The following DOCK4 variants were observed in gnomAD, a reference collection of about 807,000 sequenced individuals.
DOCK4 encodes dedicator of cytokinesis protein 4.
A neutral mutation model predicts 268.1 loss-of-function variants in DOCK4; 97 were observed. That is an observed-to-expected ratio of 0.36 (90% CI 0.31 to 0.43). DOCK4 has a LOEUF of 0.43. DOCK4 is among the 20% of genes least tolerant of loss of function. The pLI is 1.00. For synonymous variants in DOCK4, 954 were observed against 887.2 expected (o/e 1.08, Z -1.34); for missense variants, 2,145 against 2,455.7 (o/e 0.87, Z 2.67).
At position 112,004,135 on chromosome 7, in the gene DOCK4, T is replaced by C. The variant is rs1800663502; in HGVS notation, c.38-4A>G. On this transcript the variant is annotated splice_polypyrimidine_tract_variant and splice_region_variant and intron_variant, in intron 1 of 52. Coordinates refer to ENST00000428084, the MANE Select transcript of DOCK4 (RefSeq NM_001363540.2). ...GTTCCTCGGAAACTGGCAATAACTG[T>C]AAAAAATGATAAAGAATATATGAAG... 2 of 1,568,246 alleles carry C rather than the reference T, an allele frequency of 1.3e-6. No homozygotes were observed. The highest frequency in any genetic ancestry group is 1.9e-5 in the Admixed American group (1 of 53,876).
At chr7:112,089,711 T>A (rs978436431) in intron 1 of DOCK4, among the ~76,000 whole-genome samples, 3 of 151,990 alleles carry the variant, frequency 2.0e-5, no homozygotes, top group African/African-American at 7.2e-5. Context: ...TCTGGTTGTT[T>A]AAAGGCATGT....
intron 5 of DOCK4, among the ~76,000 whole-genome samples, chr7:111,992,985 G>T (rs1163034397): frequency 6.6e-6 from 1 of 152,114 alleles, no homozygotes; most frequent in East Asian, 1.9e-4. Flanking sequence ...CCTCGAGGTC[G>T]GTTATCTTGA....
chr7:111,930,067 C>T (rs1430431802), intron 12 of DOCK4, among the ~76,000 whole-genome samples: 2 of 152,198 alleles, frequency 1.3e-5, no homozygotes, highest in Non-Finnish European at 2.9e-5. Flanking sequence ...ATTTGCTCAA[C>T]AAACCTAAAC....
intron 1 of DOCK4, among the ~76,000 whole-genome samples, chr7:112,147,121 TATA>T (rs1291315209): frequency 3.9e-5 from 6 of 152,158 alleles, no homozygotes; most frequent in African/African-American, 1.4e-4. Context: ...ACAGTTCTTA[TATA>T]ATAATGTTTA....
At chr7:111,901,131 C>T (rs765750849) in intron 14 of DOCK4, among the ~76,000 whole-genome samples, 4 of 152,010 alleles carry the variant, frequency 2.6e-5, no homozygotes, top group East Asian at 1.9e-4. Flanking sequence ...GCCAGGAGTT[C>T]GAGACCAGCC....
At chr7:111,992,074 T>C (rs985123810) in intron 5 of DOCK4, among the ~76,000 whole-genome samples, 6 of 151,714 alleles carry the variant, frequency 4.0e-5, no homozygotes. Context: ...ATGGCTGCTA[T>C]ATTTCTCCTA....
At position 111,808,959 on chromosome 7, in the gene DOCK4, A is replaced by G. The variant is rs1341226326; in HGVS notation, c.3108-80T>C. The G allele has an allele frequency of 9.6e-6, 14 of 1,457,780 alleles. No individual in the cohort carries two copies. The South Asian group carries it at 9.6e-5, about 10-fold the overall frequency. 90.3% of individuals were successfully genotyped at this position (1,457,780 alleles called of 1,614,324 possible). On this transcript the variant is annotated intron_variant, in intron 29 of 52. Transcript: ENST00000428084. ...TTTGTGTGTCTTTAGGATACAATCT[A>G]TCATTCTGAATTACAAGGCAAGGAG...
At position 111,998,455 on chromosome 7, in the gene DOCK4, T is replaced by C; in HGVS notation, c.211A>G (p.Asn71Asp). ...YVHLKNACVK[N>D]KGQFEMVIPT... ...ATAAAACTCATTTCTTACCCTTTGT[T>C]CTTTACACAGGCATTTTTCAAGTGA... Residue 71 changes from asparagine (N) to aspartate (D), a missense_variant, in exon 4 of 53, where the codon AAC becomes GAC. Transcript: ENST00000428084. The C allele has an allele frequency of 6.3e-7, 1 of 1,585,674 alleles. No individual in the cohort carries two copies. The highest frequency in any genetic ancestry group is 1.2e-5 in the South Asian group (1 of 86,902).
chr7:111,885,661 G>A (rs945506527), intron 16 of DOCK4, among the ~76,000 whole-genome samples: 1 of 152,190 alleles, frequency 6.6e-6, no homozygotes, highest in Non-Finnish European at 1.5e-5. Flanking sequence ...TAATAGTGAA[G>A]GATAGTTCTC....
chr7:111,730,524 T>A lies in DOCK4; in HGVS notation c.5481+1702A>T, dbSNP rs116716243. On this transcript the variant is annotated intron_variant, in intron 52 of 52. Coordinates refer to ENST00000428084, the MANE Select transcript of DOCK4 (RefSeq NM_001363540.2). ...GCCTAACATTAAGGCCAATTAAGAG[T>A]TCCCAATTCACTGCTACCTCTGTCA... 8.9e-3 allele frequency among the ~76,000 whole-genome samples: 1,352 copies of A among 151,996 alleles called. 17 individuals carry two copies. The highest frequency in any genetic ancestry group is 0.03 in the African/African-American group (1,258 of 41,424).
At chr7:111,869,932 G>C (rs1467220709) in intron 20 of DOCK4, among the ~76,000 whole-genome samples, 1 of 152,210 alleles carries the variant, frequency 6.6e-6, no homozygotes. Context: ...AAATATTGGA[G>C]AAAAGGACTG....
chr7:111,912,935 GA>G (rs1792244963), intron 13 of DOCK4, among the ~76,000 whole-genome samples: 1 of 150,836 alleles, frequency 6.6e-6, no homozygotes, highest in Non-Finnish European at 1.5e-5. Context: ...CAGAATTTTA[GA>G]AATTAAAATT....
chr7:111,991,013 T>C (rs1799478920), intron 5 of DOCK4, among the ~76,000 whole-genome samples: 1 of 152,212 alleles, frequency 6.6e-6, no homozygotes, highest in South Asian at 2.1e-4. Context: ...AGCAAGTTAT[T>C]AAACAAGTCA....
Position 112,184,285 on chromosome 7 carries a change from C to T in DOCK4, c.37+21817G>A, listed in dbSNP as rs554945823. 4.6e-5 allele frequency among the ~76,000 whole-genome samples: 7 copies of T among 152,308 alleles called. No individual in the cohort carries two copies. The East Asian group carries it at 9.6e-4, about 21-fold the overall frequency. On this transcript the variant is annotated intron_variant, in intron 1 of 52. Transcript: ENST00000428084. ...ATCAGTGAAAACTGCACACACACAG[C>T]CACACAGGTGAACACCACTTGCTAA...
intron 1 of DOCK4, among the ~76,000 whole-genome samples, chr7:112,145,913 T>C (rs1358376299): frequency 2.6e-5 from 4 of 152,196 alleles, no homozygotes; most frequent in Non-Finnish European, 4.4e-5. Context: ...TTCAATATCA[T>C]CTAACTTCGC....
Position 111,844,854 on chromosome 7 carries a change from A to G in DOCK4, c.2645T>C (p.Leu882Ser), listed in dbSNP as rs536885456. ...TATGGTCCTCAGCAGAATATCCAGC[A>G]AGCTGGCCACTATCACATCTATTTC... ...LEEIDVIVAS[L>S]LDILLRTILE... Residue 882 changes from leucine to serine, a missense_variant, in exon 25 of 53, where the codon TTG (leucine) becomes TCG (serine). Physicochemically the swap from Leu to Ser is moderately radical, Grantham distance 145. Coordinates refer to ENST00000428084, the MANE Select transcript of DOCK4 (RefSeq NM_001363540.2). 4 of 1,613,576 alleles carry G rather than the reference A, an allele frequency of 2.5e-6. No homozygotes were observed. The South Asian group carries it at 4.4e-5, about 18-fold the overall frequency.
intron 42 of DOCK4, among the ~76,000 whole-genome samples, chr7:111,750,985 A>G (rs1290244049): frequency 2.0e-5 from 3 of 152,134 alleles, no homozygotes; most frequent in Non-Finnish European, 4.4e-5. Flanking sequence ...TAGTGAGAGG[A>G]CATTTCTCTT....
intron 1 of DOCK4, among the ~76,000 whole-genome samples, chr7:112,155,189 GTTT>G (rs1226518764): frequency 2.0e-5 from 3 of 152,102 alleles, no homozygotes; most frequent in African/African-American, 7.2e-5. Flanking sequence ...AAAATGACCT[GTTT>G]TCCCCAACTA....
At chr7:111,983,081 C>T (rs1333604346) in intron 7 of DOCK4, among the ~76,000 whole-genome samples, 1 of 152,130 alleles carries the variant, frequency 6.6e-6, no homozygotes, top group Non-Finnish European at 1.5e-5. Context: ...CACAACACCA[C>T]TCTGAAGAAA....
Sources: gnomAD v4.1 joint callset for allele counts (sites outside exome capture counted in the v4.1 genomes callset) on GRCh38, gnomAD v4.1.1 for gene constraint, MANE v1.5 for transcripts, NCBI Gene and HGNC (gene_info 2026-07-23, HGNC 2026-07-21) for gene names.